PTPRT: variants seen among roughly 807,000 people sequenced by gnomAD.
The protein encoded by PTPRT is receptor-type tyrosine-protein phosphatase T.
PTPRT carries 56 observed loss-of-function variants against 176.8 expected under a neutral mutation model. The ratio of observed to expected loss-of-function variants is 0.32; its 90% confidence interval spans 0.26 to 0.40. The LOEUF (loss-of-function observed/expected upper bound fraction) is 0.40. PTPRT is among the 10% of genes least tolerant of loss of function. The pLI is 1.00. For synonymous variants in PTPRT, 783 were observed against 739.0 expected, an observed-to-expected ratio of 1.06 and a Z score of -0.96; for missense variants, 1,540 against 1,908.2, an observed-to-expected ratio of 0.81 and a Z score of 3.60.
At chr20:42,245,113 C>T (rs1051229477) in intron 14 of PTPRT, among the ~76,000 whole-genome samples, 1 of 152,110 alleles carries the variant, frequency 6.6e-6, no homozygotes, top group African/African-American at 2.4e-5. Context: ...GTACCCATTA[C>T]AGAACATTCA....
chr20:42,461,872 G>GT (rs768795295), intron 8 of PTPRT, among the ~76,000 whole-genome samples: 60 of 148,882 alleles, frequency 4.0e-4, no homozygotes, highest in South Asian at 3.2e-3. Context: ...GTGTTTCTGG[G>GT]TTTTTTTTTT....
chr20:42,486,487 T>C (rs113711565), intron 7 of PTPRT, among the ~76,000 whole-genome samples: 11 of 152,260 alleles, frequency 7.2e-5, no homozygotes, highest in African/African-American at 2.4e-4. Context: ...ATTGAAAAAA[T>C]AATTTTACCC....
chr20:42,871,098 ACGC>A (rs2145823854), intron 2 of PTPRT, among the ~76,000 whole-genome samples: 1 of 151,770 alleles, frequency 6.6e-6, no homozygotes, highest in African/African-American at 2.4e-5. Context: ...TTACAGACAC[ACGC>A]CACCATGCCT....
chr20:42,683,219 CTT>C (rs1335161145), intron 6 of PTPRT, among the ~76,000 whole-genome samples: 6 of 151,680 alleles, frequency 4.0e-5, no homozygotes, highest in Non-Finnish European at 8.8e-5. Flanking sequence ...CATTTCCAGA[CTT>C]TTGTCTGTGC....
chr20:42,196,676 C>A (rs1013183897), intron 16 of PTPRT, among the ~76,000 whole-genome samples: 1 of 152,090 alleles, frequency 6.6e-6, no homozygotes. Context: ...TCTTGTCAAC[C>A]CTGGTCTATG....
chr20:42,761,277 A>C (rs2076911815), intron 5 of PTPRT, among the ~76,000 whole-genome samples: 2 of 151,672 alleles, frequency 1.3e-5, no homozygotes, highest in Non-Finnish European at 2.9e-5. Flanking sequence ...TCTACTAAAA[A>C]TACAAAATTA....
At chr20:42,802,016 T>C (rs1258536054) in intron 2 of PTPRT, among the ~76,000 whole-genome samples, 1 of 152,130 alleles carries the variant, frequency 6.6e-6, no homozygotes, top group Non-Finnish European at 1.5e-5. Flanking sequence ...CAAATTGAGG[T>C]GTATCTGACT....
At chr20:42,478,012 AC>A (rs2071320739) in intron 7 of PTPRT, among the ~76,000 whole-genome samples, 1 of 151,138 alleles carries the variant, frequency 6.6e-6, no homozygotes, top group Non-Finnish European at 1.5e-5. Flanking sequence ...CACATTTATG[AC>A]CCCCTAGAAT....
At chr20:42,690,266 G>T (rs181823124) in intron 6 of PTPRT, among the ~76,000 whole-genome samples, 1 of 152,152 alleles carries the variant, frequency 6.6e-6, no homozygotes, top group Non-Finnish European at 1.5e-5. Flanking sequence ...GTGGTGTCAC[G>T]TAGGCACAAG....
Position 42,202,706 on chromosome 20 carries a change from TA to T in PTPRT, c.2343-3319del, listed in dbSNP as rs1454014269. Among the ~76,000 whole-genome samples, 37 of 152,270 alleles carry T rather than the reference TA, an allele frequency of 2.4e-4. 1 individual carries two copies. Among genetic ancestry groups the T allele is most frequent in the African/African-American group, 8.4e-4 (35 of 41,560 alleles). On this transcript the variant is annotated intron_variant, in intron 15 of 30. Coordinates refer to ENST00000373187, the MANE Select transcript of PTPRT (RefSeq NM_007050.6). ...CTGCTCACATTGCCCCAGCAGGAAA[TA>T]AAAGGAAATCTGATAAGAGAGTTAA...
chr20:42,099,350 G>A (rs549675835), intron 26 of PTPRT, among the ~76,000 whole-genome samples: 3 of 152,032 alleles, frequency 2.0e-5, no homozygotes, highest in Admixed American at 1.3e-4. Context: ...TGAGATTTAC[G>A]TGTGAAAAGG....
intron 7 of PTPRT, among the ~76,000 whole-genome samples, chr20:42,601,551 T>C (rs1028744352): frequency 5.9e-5 from 9 of 152,166 alleles, no homozygotes; most frequent in Non-Finnish European, 1.2e-4. Flanking sequence ...AATCAAGACT[T>C]GTAATTCTCA....
At chr20:42,186,023 T>G (rs1990766981) in intron 16 of PTPRT, among the ~76,000 whole-genome samples, 1 of 152,042 alleles carries the variant, frequency 6.6e-6, no homozygotes, top group Admixed American at 6.6e-5. Flanking sequence ...AATACAATTC[T>G]GTCATAGCAC....
At chr20:42,898,759 T>C (rs1360913474) in intron 1 of PTPRT, among the ~76,000 whole-genome samples, 1 of 152,058 alleles carries the variant, frequency 6.6e-6, no homozygotes, top group Non-Finnish European at 1.5e-5. Context: ...AGGCACCAGT[T>C]TGTGAGCAGA....
chr20:43,067,515 A>G (rs2011123251), intron 1 of PTPRT, among the ~76,000 whole-genome samples: 1 of 152,184 alleles, frequency 6.6e-6, no homozygotes, highest in South Asian at 2.1e-4. Context: ...AAAAATATGT[A>G]ATTTTTTAAA....
At chr20:43,031,006 C>T (rs775400684) in intron 1 of PTPRT, among the ~76,000 whole-genome samples, 14 of 152,144 alleles carry the variant, frequency 9.2e-5, no homozygotes, top group African/African-American at 1.4e-4. Context: ...GGAAGAAGTC[C>T]AGCTGTGATG....
At chr20:42,085,180 G>A (rs1983759335) in intron 28 of PTPRT, among the ~76,000 whole-genome samples, 1 of 152,144 alleles carries the variant, frequency 6.6e-6, no homozygotes, top group African/African-American at 2.4e-5. Context: ...ATGTCTCACT[G>A]TCTCAGTGGA....
chr20:42,406,819 A>C (rs2058965388), intron 9 of PTPRT, among the ~76,000 whole-genome samples: 1 of 152,210 alleles, frequency 6.6e-6, no homozygotes, highest in South Asian at 2.1e-4. Flanking sequence ...GCTCATCATC[A>C]ACAAATATAT....
At chr20:42,472,218 A>C in intron 8 of PTPRT, 48 bp downstream of exon 8, 3 of 1,575,946 alleles carry the variant, frequency 1.9e-6, no homozygotes, top group Non-Finnish European at 2.6e-6. Flanking sequence ...GGCCCTGTGA[A>C]TAGATTCAAT....
Sources: allele counts gnomAD v4.1 joint callset (sites outside exome capture counted in the v4.1 genomes callset), GRCh38; gene constraint gnomAD v4.1.1; transcripts MANE v1.5; gene names NCBI Gene and HGNC (gene_info 2026-07-23, HGNC 2026-07-21).